KIF26B: variants seen among roughly 807,000 people sequenced by gnomAD.
KIF26B encodes kinesin-like protein KIF26B.
In KIF26B, 63 loss-of-function variants were observed where a neutral mutation model predicts 151.2. That is an observed-to-expected ratio of 0.42 (90% CI 0.34 to 0.51). KIF26B has a LOEUF of 0.51. Ranked by LOEUF, KIF26B falls within the 20% of genes least tolerant of loss-of-function variation. KIF26B has a pLI of 0.07. For missense variants in KIF26B, 2,813 were observed against 2,913.6 expected (o/e 0.97, Z 0.79); for synonymous variants, 1,357 against 1,262.1 (o/e 1.08, Z -1.59).
chr1:245,561,988 A>G (rs141671554), intron 5 of KIF26B, among the ~76,000 whole-genome samples: 1 of 152,246 alleles, frequency 6.6e-6, no homozygotes, highest in African/African-American at 2.4e-5. Context: ...GGCACTCTTC[A>G]GTGGTTTCTC....
rs1364647290 is a variant in KIF26B at position 245,687,837 on chromosome 1, C to T, written c.4854C>T (p.Ala1618=). 2 of 1,593,728 alleles carry T rather than the reference C, an allele frequency of 1.3e-6. No individual in the cohort carries two copies. Among genetic ancestry groups the T allele is most frequent in the African/African-American group, 1.3e-5 (1 of 74,480 alleles). The change falls in exon 12 of 15, where the codon GCC becomes GCT. Residue 1618 remains alanine, a synonymous_variant. Transcript: ENST00000407071. The surrounding 1 kb of genome is among the most constrained non-coding windows in gnomAD (Gnocchi z 4.9). The part of the protein sequence containing the change: ...QKNRASPQHS[A]SGSGTSSPLN... The stretch of plus-strand genomic sequence containing the variant: ...ACCGGGCCAGCCCTCAGCACAGTGC[C>T]AGCGGCAGCGGCACCAGCAGCCCCC...
chr1:245,424,823 C>T (rs534415776), intron 4 of KIF26B, among the ~76,000 whole-genome samples: 60 of 152,190 alleles, frequency 3.9e-4, no homozygotes, highest in Non-Finnish European at 7.3e-4. Context: ...CTATAGAGAA[C>T]GATGGAGCAT....
intron 5 of KIF26B, among the ~76,000 whole-genome samples, chr1:245,582,195 C>T (rs1362151720): frequency 6.6e-6 from 1 of 152,162 alleles, no homozygotes; most frequent in Non-Finnish European, 1.5e-5. Flanking sequence ...TCCTCTTCAG[C>T]GAGAGCTACA....
intron 5 of KIF26B, among the ~76,000 whole-genome samples, chr1:245,595,816 C>A (rs1423252497): frequency 6.6e-6 from 1 of 151,890 alleles, no homozygotes; most frequent in East Asian, 1.9e-4. Context: ...TGGTAGGCTG[C>A]GAAATTACTG....
chr1:245,301,082 C>T (rs1005066194), intron 2 of KIF26B, among the ~76,000 whole-genome samples: 3 of 152,188 alleles, frequency 2.0e-5, no homozygotes, highest in East Asian at 1.9e-4. Flanking sequence ...CCACCCGCCT[C>T]GGCCTCCTGA....
chr1:245,215,180 C>T (rs777120972), intron 2 of KIF26B, among the ~76,000 whole-genome samples: 6 of 152,086 alleles, frequency 3.9e-5, no homozygotes, highest in Non-Finnish European at 7.4e-5. Flanking sequence ...TGATGGAAAA[C>T]GTCCTCAGGC....
intron 2 of KIF26B, among the ~76,000 whole-genome samples, chr1:245,181,198 T>C (rs897653667): frequency 1.3e-5 from 2 of 152,132 alleles, no homozygotes; most frequent in South Asian, 4.1e-4. Context: ...TTACCCCGAT[T>C]TCCCCCCCTT....
chr1:245,419,057 T>A (rs1658397836), intron 3 of KIF26B, among the ~76,000 whole-genome samples: 1 of 152,236 alleles, frequency 6.6e-6, no homozygotes, highest in African/African-American at 2.4e-5. Flanking sequence ...AGTTTCTCTA[T>A]GTTGCCTGTT....
chr1:245,464,694 A>ATG (rs1178876344), intron 4 of KIF26B, among the ~76,000 whole-genome samples: 1 of 151,468 alleles, frequency 6.6e-6, no homozygotes, highest in Non-Finnish European at 1.5e-5. Context: ...GAGTATGTGC[A>ATG]TGTGTGTGCA....
chr1:245,267,741 C>T (rs1670774624), intron 2 of KIF26B, among the ~76,000 whole-genome samples: 1 of 151,498 alleles, frequency 6.6e-6, no homozygotes. Context: ...ACTCCAAGGA[C>T]TTGGAACATA....
chr1:245,396,490 G>A (rs1673844952), intron 3 of KIF26B, among the ~76,000 whole-genome samples: 1 of 151,964 alleles, frequency 6.6e-6, no homozygotes, highest in African/African-American at 2.4e-5. Context: ...ACAAAAATTA[G>A]CCAGGAGTGG....
intron 2 of KIF26B, among the ~76,000 whole-genome samples, chr1:245,300,117 T>C (rs1671403615): frequency 6.6e-6 from 1 of 152,254 alleles, no homozygotes; most frequent in Non-Finnish European, 1.5e-5. Flanking sequence ...AAGTTTATCT[T>C]ATCATCTTTC....
chr1:245,338,561 T>C (rs1160588383), intron 2 of KIF26B, among the ~76,000 whole-genome samples: 1 of 152,258 alleles, frequency 6.6e-6, no homozygotes, highest in East Asian at 1.9e-4. Context: ...GTGATCCATA[T>C]ACACGAGTGT....
chr1:245,678,671 G>A (rs890904278), intron 10 of KIF26B, among the ~76,000 whole-genome samples: 3 of 152,004 alleles, frequency 2.0e-5, no homozygotes, highest in Non-Finnish European at 4.4e-5. Flanking sequence ...AGACCATCGT[G>A]GCCAACATGG....
intron 9 of KIF26B, among the ~76,000 whole-genome samples, chr1:245,629,723 A>C (rs773036309): frequency 6.6e-6 from 1 of 152,212 alleles, no homozygotes; most frequent in African/African-American, 2.4e-5. Context: ...GCAATTGCCA[A>C]CAAAAGCCAC....
chr1:245,381,790 TGCTCTATGTA>T (rs1387075186), intron 3 of KIF26B, among the ~76,000 whole-genome samples: 46 of 152,330 alleles, frequency 3.0e-4, no homozygotes, highest in African/African-American at 1.1e-3. Context: ...TGAATCTGAC[TGCTCTATGTA>T]CCTCATATAA....
chr1:245,494,869 G>C (rs2019025), intron 4 of KIF26B, among the ~76,000 whole-genome samples: 2 of 152,034 alleles, frequency 1.3e-5, no homozygotes, highest in South Asian at 2.1e-4. Flanking sequence ...GTGAAACTCT[G>C]TCTCTATAAA....
rs539357758 is a variant in KIF26B, at chr1:245,205,657, G to A, written c.465+48974G>A. On this transcript the variant is annotated intron_variant, in intron 2 of 14. Coordinates refer to ENST00000407071, the MANE Select transcript of KIF26B (RefSeq NM_018012.4). ...GTTCCTGCCACAGGATTTCGTGCTG[G>A]GCTGACAGAACAGAACAGTTTCCTG... Among the ~76,000 whole-genome samples, 3 of 151,930 alleles carry A rather than the reference G, an allele frequency of 2.0e-5. No homozygotes were observed. The South Asian group carries it at 6.3e-4, about 32-fold the overall frequency.
intron 5 of KIF26B, among the ~76,000 whole-genome samples, chr1:245,573,276 C>A (rs2043083198): frequency 6.6e-6 from 1 of 152,204 alleles, no homozygotes; most frequent in Non-Finnish European, 1.5e-5. Flanking sequence ...GTAATCCCAG[C>A]ACTTTTGGAG....
Sources: allele counts gnomAD v4.1 joint callset (sites outside exome capture counted in the v4.1 genomes callset), GRCh38; gene constraint gnomAD v4.1.1; non-coding constraint Gnocchi (gnomAD v3.1); transcripts MANE v1.5; gene names NCBI Gene and HGNC (gene_info 2026-07-23, HGNC 2026-07-21).